Variants in BMERB1 observed in about 807,000 individuals in gnomAD.
BMERB1 encodes the protein bMERB domain-containing protein 1.
BMERB1 carries 12 observed loss-of-function variants against 23.6 expected under a neutral mutation model. That is an observed-to-expected ratio of 0.51 (90% CI 0.33 to 0.82). BMERB1 has a LOEUF of 0.82. BMERB1 is among the 40% of genes least tolerant of loss of function. The pLI is 0.03. For missense variants in BMERB1, 247 were observed against 255.4 expected, an observed-to-expected ratio of 0.97 and a Z score of 0.22; for synonymous variants, 122 against 96.6, an observed-to-expected ratio of 1.26 and a Z score of -1.54.
At chr16:15,556,468 G>C (rs1404774872) in intron 2 of BMERB1, among the ~76,000 whole-genome samples, 2 of 152,204 alleles carry the variant, frequency 1.3e-5, no homozygotes, top group Non-Finnish European at 2.9e-5. Flanking sequence ...CCAGTCAATG[G>C]GGGTACTGAG....
At chr16:15,552,914 C>T (rs1172377862) in intron 2 of BMERB1, among the ~76,000 whole-genome samples, 1 of 152,190 alleles carries the variant, frequency 6.6e-6, no homozygotes, top group East Asian at 1.9e-4. Flanking sequence ...TGGCTCACCC[C>T]TGTTATCTCA....
chr16:15,530,174 C>T (rs1387712216), intron 2 of BMERB1, among the ~76,000 whole-genome samples: 2 of 152,150 alleles, frequency 1.3e-5, no homozygotes, highest in Non-Finnish European at 2.9e-5. Context: ...CTCTGTTTTT[C>T]TCTTAAATGT....
At chr16:15,451,746 T>A (rs1181352660) in intron 1 of BMERB1, among the ~76,000 whole-genome samples, 1 of 140,088 alleles carries the variant, frequency 7.1e-6, no homozygotes, top group Non-Finnish European at 1.5e-5. Flanking sequence ...TTTTTTTTTT[T>A]TTTTTTTTTT....
At chr16:15,483,776 A>C (rs1342933495) in intron 1 of BMERB1, among the ~76,000 whole-genome samples, 2 of 152,180 alleles carry the variant, frequency 1.3e-5, no homozygotes, top group Non-Finnish European at 2.9e-5. Context: ...ATACTTACCT[A>C]TAAAACAAGG....
chr16:15,572,996 G>C (rs887491766), intron 3 of BMERB1, among the ~76,000 whole-genome samples: 9 of 152,168 alleles, frequency 5.9e-5, no homozygotes, highest in Non-Finnish European at 7.3e-5. Context: ...GGCCTCCCCA[G>C]CCACGTGGAA....
At chr16:15,531,053 C>T (rs1348095185) in intron 2 of BMERB1, among the ~76,000 whole-genome samples, 5 of 151,866 alleles carry the variant, frequency 3.3e-5, no homozygotes, top group Non-Finnish European at 5.9e-5. Flanking sequence ...TACAGGCACC[C>T]GCTGCCATGC....
At chr16:15,531,784 G>C (rs2051970520) in intron 2 of BMERB1, among the ~76,000 whole-genome samples, 2 of 152,196 alleles carry the variant, frequency 1.3e-5, no homozygotes, top group Non-Finnish European at 2.9e-5. Flanking sequence ...GTGAGTGGCA[G>C]CAGAGATTGA....
chr16:15,533,862 G>T, intron 2 of BMERB1, among the ~76,000 whole-genome samples: 2 of 152,148 alleles, frequency 1.3e-5, no homozygotes, highest in South Asian at 4.2e-4. Context: ...TCAACCCTGC[G>T]CATCCTTTCT....
In BMERB1 at chr16:15,454,708, C is replaced by A. The variant is rs189871914; in HGVS notation, c.106+19949C>A. Among the ~76,000 whole-genome samples the A allele has an allele frequency of 1.9e-3, 295 of 151,804 alleles. 3 individuals are homozygous for A. The highest frequency in any genetic ancestry group is 6.8e-3 in the African/African-American group (282 of 41,422). ...TCAGGAGGCTGAGGCAGGAGAATCG[C>A]TTGAACCCAGAAGGCGGAGGTTGCA... On this transcript the variant is annotated intron_variant, in intron 1 of 5. Coordinates refer to ENST00000300006, the MANE Select transcript of BMERB1 (RefSeq NM_033201.3).
At chr16:15,501,585 C>T (rs970582474) in intron 1 of BMERB1, among the ~76,000 whole-genome samples, 2 of 152,194 alleles carry the variant, frequency 1.3e-5, no homozygotes, top group Non-Finnish European at 2.9e-5. Flanking sequence ...AGCAATTCTC[C>T]TGCCTCAGCG....
chr16:15,559,408 A>T (rs1421277790), intron 2 of BMERB1, among the ~76,000 whole-genome samples: 2 of 152,210 alleles, frequency 1.3e-5, no homozygotes, highest in Non-Finnish European at 2.9e-5. Context: ...CCACATGGAG[A>T]GGAGACAACA....
intron 5 of BMERB1, among the ~76,000 whole-genome samples, chr16:15,585,071 T>G (rs2031108318): frequency 6.6e-6 from 1 of 152,190 alleles, no homozygotes; most frequent in Non-Finnish European, 1.5e-5. Context: ...AAACCCAGTT[T>G]TCATTAACAT....
At chr16:15,440,194 G>A (rs763763740) in intron 1 of BMERB1, among the ~76,000 whole-genome samples, 6 of 143,860 alleles carry the variant, frequency 4.2e-5, no homozygotes, top group South Asian at 2.2e-4. Context: ...GCAGTGAGCC[G>A]AGATTGGACG....
chr16:15,515,105 CGAAG>C (rs927985548), intron 1 of BMERB1, among the ~76,000 whole-genome samples, 196 bp from the exon 2 acceptor site: 13 of 152,110 alleles, frequency 8.5e-5, no homozygotes, highest in African/African-American at 2.9e-4. Context: ...ACAAAGCAAA[CGAAG>C]TAAATTACTT....
intron 1 of BMERB1, among the ~76,000 whole-genome samples, chr16:15,482,945 TACAC>T (rs999647815): frequency 6.6e-6 from 1 of 151,860 alleles, no homozygotes; most frequent in Admixed American, 6.6e-5. Flanking sequence ...ACTGAGTCTA[TACAC>T]ACACACACGC....
At chr16:15,515,107 A>C (rs1161780126) in intron 1 of BMERB1, among the ~76,000 whole-genome samples, 198 bp from the exon 2 acceptor site, 6 of 152,084 alleles carry the variant, frequency 3.9e-5, no homozygotes, top group Non-Finnish European at 8.8e-5. Flanking sequence ...AAAGCAAACG[A>C]AGTAAATTAC....
At chr16:15,497,170 A>G (rs1282112392) in intron 1 of BMERB1, among the ~76,000 whole-genome samples, 1 of 152,150 alleles carries the variant, frequency 6.6e-6, no homozygotes, top group Non-Finnish European at 1.5e-5. Flanking sequence ...AATTATTGCT[A>G]AGGAAGGAGG....
At chr16:15,534,286 CAAAAAAAAAAAAAAA>C (rs1168488547) in intron 2 of BMERB1, among the ~76,000 whole-genome samples, 5 of 41,960 alleles carry the variant, frequency 1.2e-4, no homozygotes, top group African/African-American at 1.3e-4. Flanking sequence ...TTTTTAATTG[CAAAAAAAAAAAAAAA>C]AAAAAAAAAA....
chr16:15,521,603 C>CG (rs780680582), intron 2 of BMERB1, among the ~76,000 whole-genome samples: 43 of 152,138 alleles, frequency 2.8e-4, no homozygotes, highest in Non-Finnish European at 4.7e-4. Context: ...GGTGTGAACT[C>CG]TGAGTGTGCT....
Sources: allele counts gnomAD v4.1 joint callset (sites outside exome capture counted in the v4.1 genomes callset), GRCh38; gene constraint gnomAD v4.1.1; transcripts MANE v1.5; gene names NCBI Gene and HGNC (gene_info 2026-07-23, HGNC 2026-07-21).